The following ERBB4 variants were observed in gnomAD, a reference collection of about 807,000 sequenced individuals.
ERBB4 encodes erb-b2 receptor tyrosine kinase 4, also known as receptor tyrosine-protein kinase erbB-4.
In ERBB4, 42 loss-of-function variants were observed where a neutral mutation model predicts 158.0. The observed-to-expected ratio is 0.27, with a 90% CI of 0.21 to 0.34. The LOEUF (loss-of-function observed/expected upper bound fraction) is 0.34. ERBB4 is among the 10% of genes least tolerant of loss of function. The pLI is 1.00. For synonymous variants in ERBB4, 583 were observed against 558.7 expected, an observed-to-expected ratio of 1.04 and a Z score of -0.61; for missense variants, 1,333 against 1,624.1, an observed-to-expected ratio of 0.82 and a Z score of 3.08.
intron 4 of ERBB4, among the ~76,000 whole-genome samples, chr2:211,786,764 A>T (rs1363576777): frequency 6.6e-6 from 1 of 152,054 alleles, no homozygotes; most frequent in Non-Finnish European, 1.5e-5. Flanking sequence ...ACCAATATCC[A>T]CACCTCCCCA....
chr2:211,431,273 A>C (rs895507300), intron 20 of ERBB4, among the ~76,000 whole-genome samples, 173 bp from the exon 21 acceptor site: 1 of 152,224 alleles, frequency 6.6e-6, no homozygotes, highest in Non-Finnish European at 1.5e-5. Context: ...AGCAAACCAC[A>C]AACAGCTTTT....
At chr2:211,454,953 G>A (rs967702530) in intron 20 of ERBB4, among the ~76,000 whole-genome samples, 2 of 152,200 alleles carry the variant, frequency 1.3e-5, no homozygotes, top group African/African-American at 4.8e-5. Context: ...ATTGCCTGGC[G>A]AGTTTTAAAA....
At chr2:212,249,678 A>G (rs2084456336) in intron 1 of ERBB4, among the ~76,000 whole-genome samples, 1 of 151,944 alleles carries the variant, frequency 6.6e-6, no homozygotes, top group African/African-American at 2.4e-5. Context: ...AACAACAAGA[A>G]CTTCACAACT....
chr2:212,160,660 A>G (rs2081176836), intron 1 of ERBB4, among the ~76,000 whole-genome samples: 2 of 152,000 alleles, frequency 1.3e-5, no homozygotes, highest in African/African-American at 4.8e-5. Context: ...CCAATGCCAA[A>G]TTCTACTGAA....
chr2:212,424,633 T>C (rs1157273261), intron 1 of ERBB4, among the ~76,000 whole-genome samples: 2 of 152,178 alleles, frequency 1.3e-5, no homozygotes, highest in Admixed American at 6.6e-5. Flanking sequence ...GAGCAATGAA[T>C]TGACCTCTAA....
intron 14 of ERBB4, among the ~76,000 whole-genome samples, chr2:211,667,603 A>G (rs2071680069): frequency 6.6e-6 from 1 of 152,180 alleles, no homozygotes; most frequent in African/African-American, 2.4e-5. Flanking sequence ...TATTACACAG[A>G]ATCATTTACT....
In ERBB4 at chr2:212,333,655, T is replaced by C. The variant is rs977529593; in HGVS notation, c.82+204794A>G. 5.3e-5 allele frequency among the ~76,000 whole-genome samples: 8 copies of C among 150,944 alleles called. 1 individual carries two copies. In the East Asian group the frequency reaches 1.6e-3, roughly 30 times the overall value. ...GCTCCAGCGAGCCATGATCTTGTCA[T>C]TGCACTCCAGCCTGGGTGATGGAGT... is the stretch of plus-strand genomic sequence containing the variant. On this transcript the variant is annotated intron_variant, in intron 1 of 27. Coordinates refer to ENST00000342788, the MANE Select transcript of ERBB4 (RefSeq NM_005235.3).
chr2:212,191,725 CACGTGTTATACATGTTACAT>C lies in ERBB4; in HGVS notation c.83-66842_83-66823del, dbSNP rs1325759636. Among the ~76,000 whole-genome samples the C allele has an allele frequency of 2.1e-3, 310 of 146,744 alleles. 6 individuals are homozygous for C. Among genetic ancestry groups the C allele is most frequent in the Non-Finnish European group, 3.6e-3 (238 of 66,868 alleles). ...CACGTGTTATACATGTTACATATAA[CACGTGTTATACATGTTACAT>C]ATAACACGTGTTATACATGTTATAT... On this transcript the variant is annotated intron_variant, in intron 1 of 27. Transcript: ENST00000342788.
intron 20 of ERBB4, among the ~76,000 whole-genome samples, chr2:211,558,765 A>C (rs994816102): frequency 6.6e-6 from 1 of 151,910 alleles, no homozygotes; most frequent in African/African-American, 2.4e-5. Flanking sequence ...CTCCCGAAGT[A>C]GAAAAAAAAA....
intron 3 of ERBB4, among the ~76,000 whole-genome samples, chr2:211,872,172 C>G (rs1216008133): frequency 6.6e-6 from 1 of 152,128 alleles, no homozygotes; most frequent in Non-Finnish European, 1.5e-5. Context: ...TATAAAAAGG[C>G]TAAAGCCTTT....
At chr2:212,270,354 C>T (rs73986915) in intron 1 of ERBB4, among the ~76,000 whole-genome samples, 17,398 of 151,776 alleles carry the variant, frequency 0.11, 1,767 homozygotes, top group African/African-American at 0.27. Context: ...AAGATCTTTG[C>T]ACTTGAACAG....
chr2:212,529,717 A>G (rs932303328), intron 1 of ERBB4, among the ~76,000 whole-genome samples: 1 of 152,222 alleles, frequency 6.6e-6, no homozygotes, highest in East Asian at 1.9e-4. Flanking sequence ...TGGTACTTAA[A>G]AAGTCAAAAC....
chr2:212,268,800 G>A (rs2085242273), intron 1 of ERBB4, among the ~76,000 whole-genome samples: 1 of 151,748 alleles, frequency 6.6e-6, no homozygotes, highest in African/African-American at 2.4e-5. Context: ...TCCTGCTCTA[G>A]TCTCATGAAC....
intron 1 of ERBB4, among the ~76,000 whole-genome samples, chr2:212,234,971 T>A (rs1432737471): frequency 6.6e-6 from 1 of 152,124 alleles, no homozygotes; most frequent in African/African-American, 2.4e-5. Context: ...AGAGGCTTTT[T>A]AGTTTAATTA....
At chr2:212,332,992 T>C (rs1167447789) in intron 1 of ERBB4, among the ~76,000 whole-genome samples, 1 of 152,016 alleles carries the variant, frequency 6.6e-6, no homozygotes, top group Non-Finnish European at 1.5e-5. Context: ...TGATCAGAAA[T>C]GGAACTAAGA....
chr2:212,463,062 T>C (rs905103123), intron 1 of ERBB4, among the ~76,000 whole-genome samples: 29 of 152,198 alleles, frequency 1.9e-4, no homozygotes, highest in Admixed American at 1.9e-3. Flanking sequence ...GTTGATCTTA[T>C]GTTAAGTATA....
At chr2:212,135,899 T>C (rs2080256382) in intron 1 of ERBB4, among the ~76,000 whole-genome samples, 1 of 152,238 alleles carries the variant, frequency 6.6e-6, no homozygotes, top group Non-Finnish European at 1.5e-5. Context: ...CTGGCTCTCC[T>C]TGAGGTCTTG....
intron 1 of ERBB4, among the ~76,000 whole-genome samples, chr2:212,346,637 G>C (rs1026885601): frequency 6.6e-6 from 1 of 151,766 alleles, no homozygotes; most frequent in African/African-American, 2.4e-5. Context: ...AAAAAATATT[G>C]TCAAGTTATA....
intron 2 of ERBB4, among the ~76,000 whole-genome samples, chr2:212,000,420 A>T (rs1205593606): frequency 6.6e-6 from 1 of 151,908 alleles, no homozygotes; most frequent in Non-Finnish European, 1.5e-5. Context: ...TCTTATACTG[A>T]TAGTTAAGAA....
Sources: gnomAD v4.1 joint callset for allele counts (sites outside exome capture counted in the v4.1 genomes callset) on GRCh38, gnomAD v4.1.1 for gene constraint, MANE v1.5 for transcripts, NCBI Gene and HGNC (gene_info 2026-07-23, HGNC 2026-07-21) for gene names.